The following SCN1A variants were observed in gnomAD, a reference collection of about 807,000 sequenced individuals.
SCN1A encodes the protein sodium voltage-gated channel alpha subunit 1, also known as sodium channel protein type 1 subunit alpha.
Under a neutral mutation model 193.7 loss-of-function variants are expected in SCN1A, and 13 were observed. That is an observed-to-expected ratio of 0.07 (90% CI 0.04 to 0.11). SCN1A has a LOEUF of 0.11. SCN1A is among the 10% of genes least tolerant of loss of function. SCN1A has a pLI of 1.00. For synonymous variants in SCN1A, 781 were observed against 843.6 expected (o/e 0.93, Z 1.29); for missense variants, 1,432 against 2,451.1 (o/e 0.58, Z 8.78).
chr2:166,018,740 G>A (rs1693634473), intron 19 of SCN1A, among the ~76,000 whole-genome samples: 1 of 151,888 alleles, frequency 6.6e-6, no homozygotes, highest in Non-Finnish European at 1.5e-5. Flanking sequence ...ATGGAAAATT[G>A]AACAATATAA....
chr2:166,132,075 C>T (rs368357499), upstream of SCN1A, among the ~76,000 whole-genome samples: 6 of 152,226 alleles, frequency 3.9e-5, no homozygotes, highest in African/African-American at 1.4e-4. Flanking sequence ...AGGCTGGAGG[C>T]GAACTTGAGT....
At position 166,002,613 on chromosome 2, in the gene SCN1A, A is replaced by G; in HGVS notation, c.4143T>C (p.Thr1381=). 1 of 1,612,074 alleles carries G rather than the reference A, an allele frequency of 6.2e-7. No individual in the cohort carries two copies. Among genetic ancestry groups the G allele is most frequent in the Non-Finnish European group, 8.5e-7 (1 of 1,178,818 alleles). ...CGTCTTCGATGTCAAACCTGTCACCAGTTGTGGTGTTAATACAGTGGTAGA... is the reference window on the plus strand; with the variant it reads ...CGTCTTCGATGTCAAACCTGTCACCGGTTGTGGTGTTAATACAGTGGTAGA... ...GKFYHCINTT[T]GDRFDIEDVN... Residue 1381 remains threonine, a synonymous_variant, in exon 24 of 29, where the codon ACT becomes ACC. Transcript: ENST00000674923.
intron 4 of SCN1A, among the ~76,000 whole-genome samples, chr2:166,069,191 G>A (rs1328461256): frequency 6.6e-6 from 1 of 152,172 alleles, no homozygotes; most frequent in Non-Finnish European, 1.5e-5. Context: ...CTGAGTCAGA[G>A]CTAACATGAT....
At chr2:166,070,855 C>T (rs1356024407) in intron 4 of SCN1A, among the ~76,000 whole-genome samples, 1 of 152,108 alleles carries the variant, frequency 6.6e-6, no homozygotes, top group African/African-American at 2.4e-5. Flanking sequence ...TTTCTCAAAA[C>T]ATTCATTTAT....
intron 23 of SCN1A, among the ~76,000 whole-genome samples, chr2:166,008,142 C>G (rs1043444553): frequency 6.6e-6 from 1 of 151,012 alleles, no homozygotes; most frequent in Admixed American, 6.6e-5. Context: ...AAAAACTAAC[C>G]TCTTTTAATA....
chr2:166,044,204 C>T (rs1171585948), intron 13 of SCN1A, among the ~76,000 whole-genome samples, 155 bp from the exon 14 acceptor site: 1 of 152,136 alleles, frequency 6.6e-6, no homozygotes, highest in Non-Finnish European at 1.5e-5. Context: ...TGTGCATTCA[C>T]ATTAAATTAA....
chr2:166,009,100 T>A (rs578084480), intron 23 of SCN1A, among the ~76,000 whole-genome samples: 109 of 151,232 alleles, frequency 7.2e-4, no homozygotes, highest in African/African-American at 2.6e-3. Context: ...TTCTGTTCAT[T>A]ATAAGTGTTT....
rs1203338589 is a variant in SCN1A, at chr2:166,045,319, T to G, written c.1386A>C (p.Ala462=). Residue 462 remains alanine (A), a synonymous_variant, in exon 13 of 29, where the codon GCA becomes GCC. Coordinates refer to ENST00000674923, the MANE Select transcript of SCN1A (RefSeq NM_001165963.4). The part of the protein sequence containing the change: ...KKQQEAAQQA[A]TATASEHSRE... Reference sequence around the variant, plus strand: ...TGGAATGTTCTGAGGCAGTTGCCGTTGCTGCCTGCTATATTGAAGAGAAAT... The same window carrying G: ...TGGAATGTTCTGAGGCAGTTGCCGTGGCTGCCTGCTATATTGAAGAGAAAT... 2 of 1,614,144 alleles carry G rather than the reference T, an allele frequency of 1.2e-6. No individual in the cohort carries two copies. The highest frequency in any genetic ancestry group is 2.2e-5 in the South Asian group (2 of 91,086).
chr2:165,994,700 A>C (rs1287339630), intron 27 of SCN1A, among the ~76,000 whole-genome samples: 2 of 151,880 alleles, frequency 1.3e-5, no homozygotes, highest in Non-Finnish European at 2.9e-5. Flanking sequence ...TCAACACTGT[A>C]TACTTCTTCC....
At chr2:166,001,891 T>C (rs1371628983) in intron 24 of SCN1A, among the ~76,000 whole-genome samples, 1 of 142,886 alleles carries the variant, frequency 7.0e-6, no homozygotes, top group Admixed American at 7.0e-5. Flanking sequence ...TTTTTTTTTT[T>C]TTTTTTTTTT....
intron 2 of SCN1A, among the ~76,000 whole-genome samples, chr2:166,094,656 T>C (rs969554064): frequency 1.3e-5 from 2 of 152,238 alleles, no homozygotes; most frequent in African/African-American, 4.8e-5. Context: ...AGCAGTTTCA[T>C]CTTCTAATAA....
chr2:166,115,660 G>A (rs1192813618), intron 2 of SCN1A, among the ~76,000 whole-genome samples: 6 of 152,150 alleles, frequency 3.9e-5, no homozygotes, highest in Non-Finnish European at 8.8e-5. Flanking sequence ...CCTATAAAAT[G>A]TAAAACTGTC....
chr2:166,012,354 TCATATG>T (rs1460858840), intron 21 of SCN1A, 72 bp from the exon 22 acceptor site: 9 of 1,203,688 alleles, frequency 7.5e-6, no homozygotes, highest in Admixed American at 2.0e-5. Context: ...AAAAAATTAA[TCATATG>T]CATATGACAT....
At chr2:166,051,404 A>C (rs1014124673) in intron 9 of SCN1A, among the ~76,000 whole-genome samples, 1 of 152,074 alleles carries the variant, frequency 6.6e-6, no homozygotes, top group African/African-American at 2.4e-5. Flanking sequence ...CTTGTTATGT[A>C]ATCATTTAAA....
intron 19 of SCN1A, among the ~76,000 whole-genome samples, chr2:166,026,841 A>ACG (rs1694852586): frequency 6.6e-6 from 1 of 151,142 alleles, no homozygotes; most frequent in Non-Finnish European, 1.5e-5. Context: ...CCACCACTGC[A>ACG]CCCGGCTAAT....
chr2:166,063,750 A>AT (rs1397673203), intron 4 of SCN1A, among the ~76,000 whole-genome samples: 1 of 152,046 alleles, frequency 6.6e-6, no homozygotes, highest in African/African-American at 2.4e-5. Flanking sequence ...TTTTAACAGT[A>AT]TTTTCTTTAA....
At chr2:166,119,579 C>T (rs1440459720) in intron 2 of SCN1A, among the ~76,000 whole-genome samples, 2 of 152,072 alleles carry the variant, frequency 1.3e-5, no homozygotes, top group African/African-American at 4.8e-5. Flanking sequence ...TCTTAAAATT[C>T]GTGCTGAGTT....
chr2:166,018,284 T>C (rs1298804202), intron 19 of SCN1A, among the ~76,000 whole-genome samples: 2 of 152,060 alleles, frequency 1.3e-5, no homozygotes, highest in African/African-American at 2.4e-5. Context: ...AAACCACTTA[T>C]TCACTTTATG....
intron 19 of SCN1A, among the ~76,000 whole-genome samples, chr2:166,033,589 A>G (rs940229081): frequency 3.3e-4 from 50 of 152,164 alleles, no homozygotes; most frequent in South Asian, 2.1e-4. Context: ...ACCACATTAA[A>G]TTATCTCTAA....
Sources: gnomAD v4.1 joint callset for allele counts (sites outside exome capture counted in the v4.1 genomes callset) on GRCh38, gnomAD v4.1.1 for gene constraint, MANE v1.5 for transcripts, NCBI Gene and HGNC (gene_info 2026-07-23, HGNC 2026-07-21) for gene names.